The following PLCL1 variants were observed in gnomAD, a reference collection of about 807,000 sequenced individuals.
PLCL1 encodes the protein inactive phospholipase C-like protein 1.
Under a neutral mutation model 84.4 loss-of-function variants are expected in PLCL1, and 41 were observed. That is an observed-to-expected ratio of 0.49 (90% CI 0.38 to 0.63). The LOEUF is 0.63. Among genes scored for constraint, PLCL1 ranks in the 30% least tolerant of loss-of-function variants. The pLI, the probability that PLCL1 is intolerant of heterozygous loss-of-function variation, is 0.00. For missense variants in PLCL1, 1,206 were observed against 1,367.8 expected, an observed-to-expected ratio of 0.88 and a Z score of 1.87; for synonymous variants, 490 against 488.3, an observed-to-expected ratio of 1.00 and a Z score of -0.05.
intron 1 of PLCL1, among the ~76,000 whole-genome samples, chr2:197,924,653 C>T (rs1022046618): frequency 6.6e-6 from 1 of 151,624 alleles, no homozygotes; most frequent in Non-Finnish European, 1.5e-5. Context: ...GGGTCGAGAC[C>T]GGCTCCAGTT....
At chr2:198,104,582 G>A (rs1015832230) in intron 5 of PLCL1, among the ~76,000 whole-genome samples, 4 of 151,998 alleles carry the variant, frequency 2.6e-5, no homozygotes, top group African/African-American at 9.7e-5. Context: ...GGGTCAAATG[G>A]TAATTCTGTT....
At chr2:198,083,557 A>G (rs1692775878) in intron 1 of PLCL1, among the ~76,000 whole-genome samples, 1 of 152,196 alleles carries the variant, frequency 6.6e-6, no homozygotes, top group African/African-American at 2.4e-5. Flanking sequence ...GCATTTGAAA[A>G]ATAAGTTTTT....
intron 1 of PLCL1, among the ~76,000 whole-genome samples, chr2:197,837,668 A>T (rs1255238653): frequency 2.0e-5 from 3 of 152,256 alleles, no homozygotes; most frequent in African/African-American, 7.2e-5. Context: ...GACCCACTGA[A>T]TCAACTAAGT....
intron 1 of PLCL1, among the ~76,000 whole-genome samples, chr2:197,934,147 T>C (rs1338581345): frequency 6.6e-6 from 1 of 152,210 alleles, no homozygotes; most frequent in Admixed American, 6.5e-5. Flanking sequence ...ATGGTTTCTT[T>C]CTTATCTCAG....
At chr2:197,958,578 A>G (rs1689538773) in intron 1 of PLCL1, among the ~76,000 whole-genome samples, 1 of 152,092 alleles carries the variant, frequency 6.6e-6, no homozygotes, top group Non-Finnish European at 1.5e-5. Flanking sequence ...AAGTATTTCA[A>G]AATCTTTCAA....
chr2:198,094,627 A>G (rs569013169), intron 3 of PLCL1, among the ~76,000 whole-genome samples: 66 of 152,290 alleles, frequency 4.3e-4, no homozygotes, highest in African/African-American at 1.3e-3. Flanking sequence ...AAAATGCAGC[A>G]ACATCCCTGT....
intron 5 of PLCL1, among the ~76,000 whole-genome samples, chr2:198,124,257 C>T (rs1693937278): frequency 6.6e-6 from 1 of 152,134 alleles, no homozygotes; most frequent in African/African-American, 2.4e-5. Flanking sequence ...TATCGCTCAA[C>T]AAATACACAC....
At chr2:198,088,379 G>A (rs1692938145) in intron 2 of PLCL1, among the ~76,000 whole-genome samples, 1 of 152,182 alleles carries the variant, frequency 6.6e-6, no homozygotes, top group South Asian at 2.1e-4. Flanking sequence ...ACTGTAACAT[G>A]GACAAATGTA....
intron 5 of PLCL1, among the ~76,000 whole-genome samples, chr2:198,143,276 C>G (rs1018967783): frequency 6.6e-6 from 1 of 152,052 alleles, no homozygotes; most frequent in Non-Finnish European, 1.5e-5. Context: ...GCTCAGTTCA[C>G]AATAGGGTTC....
chr2:198,055,110 A>G (rs78793457), intron 1 of PLCL1, among the ~76,000 whole-genome samples: 2,741 of 152,196 alleles, frequency 0.018, 84 homozygotes, highest in African/African-American at 0.062. Context: ...CTCTTCCCAA[A>G]TACTTCTTAG....
chr2:197,896,955 C>G (rs1574937060), intron 1 of PLCL1, among the ~76,000 whole-genome samples: 1 of 152,008 alleles, frequency 6.6e-6, no homozygotes, highest in Non-Finnish European at 1.5e-5. Context: ...AAGATAAAAA[C>G]CCCTAAATTT....
rs573905823 is a variant in PLCL1 at position 197,974,998 on chromosome 2, G to A, written c.241-108760G>A. Among the ~76,000 whole-genome samples, 17 of 151,450 alleles carry A rather than the reference G, an allele frequency of 1.1e-4. No individual in the cohort carries two copies. In the South Asian group the frequency reaches 3.1e-3, roughly 28 times the overall value. ...CTACTAAAAATACAAAAAATTAGCC[G>A]GGCGCGGTGGCGGGCACCTGTAGTC... On this transcript the variant is annotated intron_variant, in intron 1 of 5. Coordinates refer to ENST00000428675, the MANE Select transcript of PLCL1 (RefSeq NM_006226.4).
At chr2:197,882,043 G>T (rs577529862) in intron 1 of PLCL1, among the ~76,000 whole-genome samples, 1 of 152,210 alleles carries the variant, frequency 6.6e-6, no homozygotes, top group Admixed American at 6.5e-5. Flanking sequence ...ATGAGAGTGG[G>T]TTGGGAAAGG....
At chr2:197,934,316 C>T (rs1440838848) in intron 1 of PLCL1, among the ~76,000 whole-genome samples, 1 of 151,934 alleles carries the variant, frequency 6.6e-6, no homozygotes, top group Non-Finnish European at 1.5e-5. Context: ...GATAAAATAC[C>T]TAATGGATCC....
chr2:197,813,257 C>A (rs1452988184), intron 1 of PLCL1, among the ~76,000 whole-genome samples: 1 of 152,146 alleles, frequency 6.6e-6, no homozygotes, highest in Non-Finnish European at 1.5e-5. Context: ...GCACTCTGAC[C>A]TCTCTCTCCT....
chr2:198,026,142 A>G (rs570006435), intron 1 of PLCL1, among the ~76,000 whole-genome samples: 1 of 152,320 alleles, frequency 6.6e-6, no homozygotes, highest in East Asian at 1.9e-4. Context: ...GAACTCATGC[A>G]ATATTTGCCA....
At chr2:198,099,757 T>C (rs2105910913) in intron 3 of PLCL1, among the ~76,000 whole-genome samples, 1 of 152,276 alleles carries the variant, frequency 6.6e-6, no homozygotes, top group East Asian at 1.9e-4. Context: ...GGTTAACAAA[T>C]ATTTACTTGG....
At chr2:197,990,195 G>A (rs574347923) in intron 1 of PLCL1, among the ~76,000 whole-genome samples, 1 of 152,210 alleles carries the variant, frequency 6.6e-6, no homozygotes, top group South Asian at 2.1e-4. Flanking sequence ...TTTGCTCATA[G>A]AGATGTAGCT....
At chr2:198,081,526 TG>T (rs1429447898) in intron 1 of PLCL1, among the ~76,000 whole-genome samples, 1 of 152,350 alleles carries the variant, frequency 6.6e-6, no homozygotes, top group Non-Finnish European at 1.5e-5. Flanking sequence ...GATTTATAGA[TG>T]TTTTTTAACT....
Sources: gnomAD v4.1 joint callset for allele counts (sites outside exome capture counted in the v4.1 genomes callset) on GRCh38, gnomAD v4.1.1 for gene constraint, MANE v1.5 for transcripts, NCBI Gene and HGNC (gene_info 2026-07-23, HGNC 2026-07-21) for gene names.